The following ETNPPL variants were observed in gnomAD, a reference collection of about 807,000 sequenced individuals.
The protein encoded by ETNPPL is ethanolamine-phosphate phospho-lyase, also known as alanine--glyoxylate aminotransferase 2-like 1.
In ETNPPL, 30 loss-of-function variants were observed where a neutral mutation model predicts 55.5. The ratio of observed to expected loss-of-function variants is 0.54; its 90% CI spans 0.40 to 0.73. ETNPPL has a LOEUF of 0.73. ETNPPL is among the 30% of genes least tolerant of loss of function. The pLI, the probability that ETNPPL is intolerant of heterozygous loss-of-function variation, is 0.00. For synonymous variants in ETNPPL, 202 were observed against 207.2 expected, an observed-to-expected ratio of 0.98 and a Z score of 0.21; for missense variants, 528 against 607.9, an observed-to-expected ratio of 0.87 and a Z score of 1.38.
At chr4:108,745,627 A>G (rs915116401) in intron 11 of ETNPPL, among the ~76,000 whole-genome samples, 2 of 151,854 alleles carry the variant, frequency 1.3e-5, no homozygotes, top group Non-Finnish European at 2.9e-5. Flanking sequence ...ATTTAAAAAT[A>G]AAAGTTAAAA....
At chr4:108,755,620 C>T (rs1729160956) in intron 4 of ETNPPL, among the ~76,000 whole-genome samples, 1 of 152,106 alleles carries the variant, frequency 6.6e-6, no homozygotes, top group Admixed American at 6.6e-5. Flanking sequence ...AGTTCGAAAC[C>T]AGCCTGGCCA....
chr4:108,750,202 A>C (rs2125675146), intron 7 of ETNPPL, among the ~76,000 whole-genome samples: 1 of 152,298 alleles, frequency 6.6e-6, no homozygotes, highest in Admixed American at 6.5e-5. Context: ...GGGTGTTCCC[A>C]AAAGAGATTA....
Position 108,747,993 on chromosome 4 carries a change from T to A in ETNPPL, c.1082+12A>T. ...AATGAGTAACTACATGACAACTTCA[T>A]AATGAACATACCTAATATCTCCTAT... On this transcript the variant is annotated intron_variant, in intron 9 of 12. Transcript: ENST00000296486. The A allele has an allele frequency of 6.3e-7, 1 of 1,599,648 alleles. No homozygotes were observed. The highest frequency in any genetic ancestry group is 8.5e-7 in the Non-Finnish European group (1 of 1,173,744).
At chr4:108,750,495 C>CATGTGT (rs1491439467) in intron 7 of ETNPPL, among the ~76,000 whole-genome samples, 17 of 141,620 alleles carry the variant, frequency 1.2e-4, no homozygotes, top group African/African-American at 4.5e-4. Context: ...TTAATACCGC[C>CATGTGT]GTGTGTGTGT....
intron 1 of ETNPPL, chr4:108,762,563 A>G (rs1429403851): frequency 3.1e-6 from 2 of 635,244 alleles, no homozygotes; most frequent in Non-Finnish European, 5.7e-6. Flanking sequence ...TCATCCACCA[A>G]CCCCTCTAGC....
chr4:108,760,074 C>A, intron 2 of ETNPPL, 114 bp downstream of exon 2: 1 of 1,038,622 alleles, frequency 9.6e-7, no homozygotes, highest in South Asian at 1.5e-5. Flanking sequence ...ACTACTGGCC[C>A]ACTCAGCAAA....
rs1728258192 is a variant in ETNPPL at position 108,742,404 on chromosome 4, T to C, written c.*80A>G. 3 of 1,427,002 alleles carry C rather than the reference T, an allele frequency of 2.1e-6. No homozygotes were observed. Among genetic ancestry groups the C allele is most frequent in the Non-Finnish European group, 2.0e-6 (2 of 1,020,342 alleles). The allele number at this position is 1,427,002 out of a possible 1,614,324, so 88.4% of individuals were successfully genotyped here. A position where few individuals can be genotyped will look rare whatever the true frequency, so the allele number is the denominator to read the frequency against. On this transcript the variant is annotated 3_prime_UTR_variant, in exon 13 of 13. Coordinates refer to ENST00000296486, the MANE Select transcript of ETNPPL (RefSeq NM_031279.4). Reference sequence around the variant, plus strand: ...GACAATTCCACCTTTAGAGGTATAATAGAGCTATTAACCGATGAGACACAT... The same window carrying C: ...GACAATTCCACCTTTAGAGGTATAACAGAGCTATTAACCGATGAGACACAT...
intron 3 of ETNPPL, among the ~76,000 whole-genome samples, chr4:108,757,368 T>A (rs1379293766): frequency 6.6e-6 from 1 of 152,244 alleles, no homozygotes; most frequent in Non-Finnish European, 1.5e-5. Context: ...TGCCATCTCC[T>A]TTATATGGAT....
intron 9 of ETNPPL, among the ~76,000 whole-genome samples, chr4:108,747,505 G>A (rs1227634851): frequency 6.6e-6 from 1 of 150,780 alleles, no homozygotes; most frequent in Non-Finnish European, 1.5e-5. Flanking sequence ...TTGTTATGTT[G>A]CCCAGGCTGG....
intron 4 of ETNPPL, among the ~76,000 whole-genome samples, chr4:108,755,753 G>T (rs907489916): frequency 6.6e-6 from 1 of 152,172 alleles, no homozygotes; most frequent in African/African-American, 2.4e-5. Flanking sequence ...CCCAGGAGGC[G>T]GAGGTTGCAA....
chr4:108,755,155 G>C (rs568612564), intron 4 of ETNPPL, among the ~76,000 whole-genome samples: 2 of 152,132 alleles, frequency 1.3e-5, no homozygotes, highest in African/African-American at 4.8e-5. Context: ...TTCTGTTCGG[G>C]ATGATTTCTA....
chr4:108,745,586 T>C (rs976783403), intron 11 of ETNPPL, among the ~76,000 whole-genome samples: 2 of 151,424 alleles, frequency 1.3e-5, no homozygotes, highest in Non-Finnish European at 2.9e-5. Flanking sequence ...ACAGCAAGAC[T>C]CTGTCTCAGA....
intron 3 of ETNPPL, 54 bp from the exon 4 acceptor site, chr4:108,756,546 T>C: frequency 7.2e-7 from 1 of 1,389,492 alleles, no homozygotes; most frequent in Non-Finnish European, 1.0e-6. Flanking sequence ...TTTTAAAACA[T>C]TTAGGATGTG....
At chr4:108,745,063 G>A (rs1009659033) in intron 11 of ETNPPL, among the ~76,000 whole-genome samples, 7 of 152,156 alleles carry the variant, frequency 4.6e-5, no homozygotes, top group South Asian at 2.1e-4. Flanking sequence ...AAGCAAAAAC[G>A]ACAATATCTA....
rs142495384 is a variant in ETNPPL, at chr4:108,746,429, T to G, written c.1273A>C (p.Met425Leu). 6.2e-7 allele frequency: 1 copy of G among 1,613,930 alleles called. No individual in the cohort carries two copies. The highest frequency in any genetic ancestry group is 1.3e-5 in the African/African-American group (1 of 74,940). ...AGAATCCTATCAAGTTGGTCCACCA[T>G]GAACTTTGCATCTTCTTCAGTGAAG... The part of the protein sequence containing the change: ...MCFTEEDAKF[M>L]VDQLDRILTV... The change falls in exon 11 of 13, where the codon ATG (methionine) becomes CTG (leucine). Residue 425 changes from methionine (M) to leucine (L), a missense_variant. Physicochemically the swap from Met to Leu is conservative, Grantham distance 15. Transcript: ENST00000296486.
At chr4:108,760,555 G>A (rs1303451931) in intron 1 of ETNPPL, among the ~76,000 whole-genome samples, 1 of 152,000 alleles carries the variant, frequency 6.6e-6, no homozygotes, top group Non-Finnish European at 1.5e-5. Flanking sequence ...CAATTTATTA[G>A]AGGCACAGGA....
intron 8 of ETNPPL, 75 bp from the exon 9 acceptor site, chr4:108,748,234 G>A: frequency 1.8e-6 from 2 of 1,097,184 alleles, no homozygotes; most frequent in South Asian, 1.7e-5. Context: ...TGAGAAATTT[G>A]GCTCATACAT....
At chr4:108,751,113 C>G in intron 6 of ETNPPL, 95 bp from the exon 7 acceptor site, 1 of 822,214 alleles carries the variant, frequency 1.2e-6, no homozygotes, top group Non-Finnish European at 2.0e-6. Flanking sequence ...TTAAAAATGG[C>G]TAGGAATAGA....
chr4:108,743,706 A>G, intron 12 of ETNPPL, 83 bp downstream of exon 12: 1 of 1,073,678 alleles, frequency 9.3e-7, no homozygotes, highest in Non-Finnish European at 1.4e-6. Context: ...TCACTGCACA[A>G]TTTTTTGAAA....
Sources: allele counts gnomAD v4.1 joint callset (sites outside exome capture counted in the v4.1 genomes callset), GRCh38; gene constraint gnomAD v4.1.1; transcripts MANE v1.5; gene names NCBI Gene and HGNC (gene_info 2026-07-23, HGNC 2026-07-21).